The following MGMT variants were observed in gnomAD, a reference collection of about 807,000 sequenced individuals.
MGMT encodes methylated-DNA--protein-cysteine methyltransferase.
In MGMT, 14 loss-of-function variants were observed where a neutral mutation model predicts 15.9. The ratio of observed to expected loss-of-function variants is 0.88; its 90% confidence interval spans 0.58 to 1.37. The LOEUF is 1.37. MGMT is among the 40% of genes most tolerant of loss of function. MGMT has a pLI of 0.00. For synonymous variants in MGMT, 130 were observed against 118.2 expected (o/e 1.10, Z -0.65); for missense variants, 282 against 268.1 (o/e 1.05, Z -0.36).
chr10:129,711,834 CTTAT>C (rs1281501524), intron 3 of MGMT, among the ~76,000 whole-genome samples: 1 of 152,088 alleles, frequency 6.6e-6, no homozygotes, highest in African/African-American at 2.4e-5. Context: ...TCAAGAAATA[CTTAT>C]TTAATGAAGC....
chr10:129,550,484 T>C, intron 2 of MGMT, among the ~76,000 whole-genome samples: 1 of 150,816 alleles, frequency 6.6e-6, no homozygotes, highest in Non-Finnish European at 1.5e-5. Context: ...TCTCGCTCTG[T>C]CACCTAGGCT....
Position 129,767,066 on chromosome 10 carries a change from G to A in MGMT, c.*69G>A. 5 of 1,298,746 alleles carry A rather than the reference G, an allele frequency of 3.8e-6. No homozygotes were observed. Among genetic ancestry groups the A allele is most frequent in the Non-Finnish European group, 5.2e-6 (5 of 953,574 alleles). 80.5% of individuals were successfully genotyped at this position (1,298,746 alleles called of 1,614,324 possible). ...CACTGCATCGGATGCGGGGCGTGGA[G>A]GCACCGCTGTATTAAAGGAAGTGGC... On this transcript the variant is annotated 3_prime_UTR_variant, in exon 5 of 5. Transcript: ENST00000651593.
At chr10:129,570,690 T>C (rs78560900) in intron 2 of MGMT, among the ~76,000 whole-genome samples, 15 of 152,224 alleles carry the variant, frequency 9.9e-5, no homozygotes, top group Admixed American at 6.5e-5. Flanking sequence ...ATTTGTTTAA[T>C]TTTGACTGAA....
intron 2 of MGMT, among the ~76,000 whole-genome samples, chr10:129,681,040 G>A (rs1847846125): frequency 1.3e-5 from 2 of 152,206 alleles, no homozygotes; most frequent in African/African-American, 4.8e-5. Context: ...TGCTGCCTGT[G>A]CTGTGGCCCT....
chr10:129,749,326 T>C (rs920491669), intron 3 of MGMT, among the ~76,000 whole-genome samples: 3 of 151,980 alleles, frequency 2.0e-5, no homozygotes, highest in Non-Finnish European at 2.9e-5. Flanking sequence ...CAACCACTTA[T>C]CTTTTTTCTG....
At chr10:129,624,734 A>C (rs1847127538) in intron 2 of MGMT, among the ~76,000 whole-genome samples, 1 of 152,244 alleles carries the variant, frequency 6.6e-6, no homozygotes, top group African/African-American at 2.4e-5. Context: ...CAGTGGACCC[A>C]GTGGAGACTC....
intron 2 of MGMT, among the ~76,000 whole-genome samples, chr10:129,673,333 C>T (rs572555823): frequency 5.9e-5 from 9 of 152,274 alleles, no homozygotes; most frequent in South Asian, 4.1e-4. Flanking sequence ...ACAACAAATC[C>T]ACTTTTCTGT....
At chr10:129,610,396 T>A (rs1846945280) in intron 2 of MGMT, among the ~76,000 whole-genome samples, 1 of 152,240 alleles carries the variant, frequency 6.6e-6, no homozygotes, top group Non-Finnish European at 1.5e-5. Flanking sequence ...GCTGCCCTCC[T>A]TGCTGTTCTG....
At chr10:129,597,259 G>A (rs1458964395) in intron 2 of MGMT, among the ~76,000 whole-genome samples, 2 of 152,148 alleles carry the variant, frequency 1.3e-5, no homozygotes, top group Admixed American at 6.5e-5. Flanking sequence ...TGGCATTCTG[G>A]TTAAAAGTTC....
chr10:129,535,865 G>A (rs1044226436), intron 1 of MGMT, among the ~76,000 whole-genome samples: 1 of 152,196 alleles, frequency 6.6e-6, no homozygotes. Context: ...GGGATTTATT[G>A]TCTGTGGTAG....
rs540107191 is a variant in MGMT at position 129,467,288 on chromosome 10, T to G, written c.-21T>G. On this transcript the variant is annotated 5_prime_UTR_variant, in exon 1 of 5. Coordinates refer to ENST00000651593, the MANE Select transcript of MGMT (RefSeq NM_002412.5). The stretch of plus-strand genomic sequence containing the variant: ...GCAGGTCCTCGCGGTGCGCACCGTT[T>G]GCGACTTGGTGAGTGTCTGGGTCGC... The G allele has an allele frequency of 6.5e-6, 10 of 1,542,430 alleles. No individual in the cohort carries two copies. In the East Asian group the frequency reaches 7.6e-5, roughly 12 times the overall value.
intron 2 of MGMT, among the ~76,000 whole-genome samples, chr10:129,591,109 C>G (rs471357): frequency 0.39 from 59,608 of 152,034 alleles, 12,631 homozygotes; most frequent in East Asian, 0.64. Context: ...TTCCTGGGGG[C>G]GCAGCGTGGT....
In MGMT at chr10:129,638,854, C is replaced by A. The variant is rs76187658; in HGVS notation, c.126-69041C>A. Among the ~76,000 whole-genome samples, 240 of 152,172 alleles carry A rather than the reference C, an allele frequency of 1.6e-3. 4 individuals carry two copies. The East Asian group carries it at 0.042, about 26-fold the overall frequency. On this transcript the variant is annotated intron_variant, in intron 2 of 4. Transcript: ENST00000651593. ...AGGTTATCCAAAGTATAAGGACTTTCAAACTTTGAGGGTAAATGGATGGAA... is the reference window on the plus strand; with the variant it reads ...AGGTTATCCAAAGTATAAGGACTTTAAAACTTTGAGGGTAAATGGATGGAA...
At chr10:129,504,577 C>T (rs1407309913) in intron 1 of MGMT, among the ~76,000 whole-genome samples, 3 of 152,158 alleles carry the variant, frequency 2.0e-5, no homozygotes, top group Non-Finnish European at 4.4e-5. Context: ...TTTTAAATGT[C>T]GATAGCTCCC....
chr10:129,541,367 G>A (rs1163740905), intron 2 of MGMT, among the ~76,000 whole-genome samples: 8 of 152,256 alleles, frequency 5.3e-5, no homozygotes, highest in Admixed American at 4.6e-4. Flanking sequence ...GCCTCTGCAA[G>A]AGCGGAGCAG....
intron 2 of MGMT, among the ~76,000 whole-genome samples, chr10:129,590,769 A>G (rs186419652): frequency 2.8e-4 from 43 of 152,214 alleles, no homozygotes; most frequent in African/African-American, 1.0e-3. Context: ...GGCACTTTAA[A>G]TGCTGTGAAT....
At chr10:129,645,729 T>C (rs1393539087) in intron 2 of MGMT, among the ~76,000 whole-genome samples, 1 of 152,202 alleles carries the variant, frequency 6.6e-6, no homozygotes, top group East Asian at 1.9e-4. Context: ...TGTGGACACG[T>C]TCTTTCTCCT....
At chr10:129,604,383 A>G (rs1846862426) in intron 2 of MGMT, among the ~76,000 whole-genome samples, 1 of 152,192 alleles carries the variant, frequency 6.6e-6, no homozygotes, top group East Asian at 1.9e-4. Context: ...AAAATTCTTT[A>G]CATATGCAGT....
intron 1 of MGMT, among the ~76,000 whole-genome samples, chr10:129,519,202 G>C (rs2119718771): frequency 6.6e-6 from 1 of 152,238 alleles, no homozygotes; most frequent in South Asian, 2.1e-4. Flanking sequence ...TAGAGTATAT[G>C]GTTTTTGAAG....
Sources: gnomAD v4.1 joint callset for allele counts (sites outside exome capture counted in the v4.1 genomes callset) on GRCh38, gnomAD v4.1.1 for gene constraint, MANE v1.5 for transcripts, NCBI Gene and HGNC (gene_info 2026-07-23, HGNC 2026-07-21) for gene names.